Variants in TNRC18 observed in about 807,000 individuals in gnomAD.
TNRC18 encodes the protein trinucleotide repeat-containing gene 18 protein.
TNRC18 carries 69 observed loss-of-function variants against 226.7 expected under a neutral mutation model. The observed-to-expected ratio is 0.30, with a 90% CI of 0.25 to 0.37. TNRC18 has a LOEUF of 0.37. Ranked by LOEUF, TNRC18 falls within the 10% of genes least tolerant of loss-of-function variation. The pLI, the probability that TNRC18 is intolerant of heterozygous loss-of-function variation, is 1.00. For synonymous variants in TNRC18, 2,449 were observed against 1,927.6 expected (o/e 1.27, Z -7.09); for missense variants, 4,754 against 4,256.6 (o/e 1.12, Z -3.25).
intron 16 of TNRC18, among the ~76,000 whole-genome samples, chr7:5,355,259 G>A (rs1307721035): frequency 6.6e-6 from 1 of 150,790 alleles, no homozygotes; most frequent in Non-Finnish European, 1.5e-5. Context: ...CCATGAGGAC[G>A]CTCCAATCTG....
chr7:5,312,008 C>T lies in TNRC18; in HGVS notation c.8388+495G>A, dbSNP rs561733933. Reference sequence around the variant, plus strand: ...AAAATTAGCCAGGCGTGGTGGCGTGCGCCTGTAATCCCAGCTACTTGGGAG... The same window carrying T: ...AAAATTAGCCAGGCGTGGTGGCGTGTGCCTGTAATCCCAGCTACTTGGGAG... On this transcript the variant is annotated intron_variant, in intron 27 of 29. Coordinates refer to ENST00000430969, the MANE Select transcript of TNRC18 (RefSeq NM_001080495.3). The surrounding 1 kb of genome is among the most constrained non-coding windows in gnomAD (Gnocchi z 6.3). Among the ~76,000 whole-genome samples the T allele has an allele frequency of 1.1e-4, 17 of 151,886 alleles. No individual in the cohort carries two copies. Among genetic ancestry groups the T allele is most frequent in the Admixed American group, 2.6e-4 (4 of 15,256 alleles).
At chr7:5,395,106 C>T (rs1780580295) in intron 2 of TNRC18, among the ~76,000 whole-genome samples, 1 of 152,220 alleles carries the variant, frequency 6.6e-6, no homozygotes, top group African/African-American at 2.4e-5. Flanking sequence ...CCTAGCCAGC[C>T]CCGTGTGCCC....
At chr7:5,366,962 T>C (rs1793681290) in intron 11 of TNRC18, among the ~76,000 whole-genome samples, 1 of 152,156 alleles carries the variant, frequency 6.6e-6, no homozygotes, top group Admixed American at 6.5e-5. Flanking sequence ...TCCTAACCCC[T>C]AGTAACCTCA....
intron 24 of TNRC18, chr7:5,320,104 T>G: frequency 1.8e-6 from 1 of 552,190 alleles, no homozygotes; most frequent in Non-Finnish European, 3.3e-6. Flanking sequence ...CCAGCACAGA[T>G]GACAGCACTG....
At chr7:5,391,477 A>G (rs1349765384) in intron 3 of TNRC18, among the ~76,000 whole-genome samples, 1 of 151,534 alleles carries the variant, frequency 6.6e-6, no homozygotes, top group Non-Finnish European at 1.5e-5. Context: ...ACACCCGGCT[A>G]ATTTTGTATT....
intron 11 of TNRC18, among the ~76,000 whole-genome samples, chr7:5,367,986 C>G (rs567456186): frequency 1.4e-5 from 2 of 146,842 alleles, no homozygotes; most frequent in Admixed American, 6.9e-5. Context: ...CAATCCCAGG[C>G]AAATCAGAGA....
At chr7:5,315,823 C>T in intron 25 of TNRC18, 133 bp downstream of exon 25, 2 of 631,968 alleles carry the variant, frequency 3.2e-6, no homozygotes. Flanking sequence ...GGGAGCCCAC[C>T]CATGGCTTCT....
chr7:5,406,812 C>G (rs1452063865), intron 2 of TNRC18, among the ~76,000 whole-genome samples: 1 of 148,466 alleles, frequency 6.7e-6, no homozygotes, highest in Non-Finnish European at 1.5e-5. Context: ...GATTGTACCA[C>G]GGCACTCCAG....
chr7:5,352,211 G>T, intron 16 of TNRC18, 117 bp from the exon 17 acceptor site: 1 of 1,095,136 alleles, frequency 9.1e-7, no homozygotes, highest in Non-Finnish European at 1.3e-6. Flanking sequence ...AAACAGGTCC[G>T]AATACCTAGT....
chr7:5,403,669 G>A (rs1293696170), intron 2 of TNRC18, among the ~76,000 whole-genome samples: 1 of 151,998 alleles, frequency 6.6e-6, no homozygotes, highest in Non-Finnish European at 1.5e-5. Context: ...GTGTACACCT[G>A]TAGTCCCAGC....
Position 5,394,594 on chromosome 7 carries a change from G to A in TNRC18, c.189C>T (p.Gly63=), listed in dbSNP as rs984463317. Residue 63 remains glycine (G), a splice_region_variant and synonymous_variant, in exon 3 of 30, where the codon GGC becomes GGT. Coordinates refer to ENST00000430969, the MANE Select transcript of TNRC18 (RefSeq NM_001080495.3). The surrounding 1 kb of genome is among the most constrained non-coding windows in gnomAD (Gnocchi z 4.5). ...MAGLNLHPHP[G]EAFLGSFVAS... is the part of the protein sequence containing the mutation. Reference sequence around the variant, plus strand: ...CCACAAAGCTGCCCAAGAAGGCCTCGCCTGCAGAGAGAAGTTGGGAGGACC... The same window carrying A: ...CCACAAAGCTGCCCAAGAAGGCCTCACCTGCAGAGAGAAGTTGGGAGGACC... 31 of 1,544,144 alleles carry A rather than the reference G, an allele frequency of 2.0e-5. No homozygotes were observed. The highest frequency in any genetic ancestry group is 2.4e-5 in the Non-Finnish European group (28 of 1,145,462).
intron 5 of TNRC18, among the ~76,000 whole-genome samples, chr7:5,385,865 C>T (rs1361170563): frequency 1.3e-5 from 2 of 151,200 alleles, no homozygotes; most frequent in Non-Finnish European, 2.9e-5. Context: ...CACCTATAAT[C>T]CCAGCTACTC....
At chr7:5,318,459 G>A (rs1275100968) in intron 24 of TNRC18, among the ~76,000 whole-genome samples, 1 of 152,124 alleles carries the variant, frequency 6.6e-6, no homozygotes, top group African/African-American at 2.4e-5. Context: ...CACACCAGGG[G>A]CCATGGAACT....
intron 26 of TNRC18, among the ~76,000 whole-genome samples, chr7:5,314,315 C>A (rs913732954): frequency 2.0e-5 from 3 of 152,162 alleles, no homozygotes; most frequent in African/African-American, 7.2e-5. Context: ...TTGAGCAGAA[C>A]CTGGCTGCAG....
In TNRC18 at chr7:5,362,592, G is replaced by A. The variant is rs1178607407; in HGVS notation, c.4395+58C>T. The A allele has an allele frequency of 5.0e-5, 73 of 1,460,620 alleles. 2 individuals carry two copies. The Admixed American group carries it at 1.7e-3, about 34-fold the overall frequency. 90.5% of individuals were successfully genotyped at this position (1,460,620 alleles called of 1,614,324 possible). A position where few individuals can be genotyped will look rare whatever the true frequency, so the allele number is the denominator to read the frequency against. ...CCAGGCAGTAGGGCACCTCCACAGA[G>A]GGGCCTCCCACCCAGCCTCCCCCGC... On this transcript the variant is annotated intron_variant, in intron 12 of 29. Coordinates refer to ENST00000430969, the MANE Select transcript of TNRC18 (RefSeq NM_001080495.3).
Position 5,388,454 on chromosome 7 carries a change from C to CG in TNRC18, c.1369dup (p.Arg457ProfsTer51). 1 of 1,445,590 alleles carries CG rather than the reference C, an allele frequency of 6.9e-7. No individual in the cohort carries two copies. The allele number at this position is 1,445,590 out of a possible 1,614,324, so 89.5% of individuals were successfully genotyped here. On this transcript the variant is annotated frameshift_variant, in exon 5 of 30. Transcript: ENST00000430969. LOFTEE classifies it high-confidence loss of function. ...CAGCTCCTTGGCAGGCACGTAGGCG[C>CG]GGGGGTCCGGGGAGGCGCGTGTGGC...
intron 15 of TNRC18, among the ~76,000 whole-genome samples, chr7:5,357,776 G>C (rs952667583): frequency 2.0e-5 from 3 of 152,142 alleles, no homozygotes; most frequent in Non-Finnish European, 2.9e-5. Context: ...GGCTGACCAC[G>C]ACTGGCCAGC....
At chr7:5,345,963 G>A (rs1051760358) in intron 17 of TNRC18, among the ~76,000 whole-genome samples, 153 bp from the exon 18 acceptor site, 8 of 152,266 alleles carry the variant, frequency 5.3e-5, no homozygotes, top group Admixed American at 2.6e-4. Flanking sequence ...CCCAGCCCAC[G>A]GGTTCCCCCC....
chr7:5,353,821 T>C (rs1021146024), intron 16 of TNRC18, among the ~76,000 whole-genome samples: 2 of 152,322 alleles, frequency 1.3e-5, no homozygotes, highest in South Asian at 2.1e-4. Context: ...CCAGGCCCAC[T>C]GAATTCCTCA....
Sources: gnomAD v4.1 joint callset for allele counts (sites outside exome capture counted in the v4.1 genomes callset) on GRCh38, gnomAD v4.1.1 for gene constraint, Gnocchi (gnomAD v3.1) non-coding constraint, MANE v1.5 for transcripts, NCBI Gene and HGNC (gene_info 2026-07-23, HGNC 2026-07-21) for gene names.